Variants in RNF17 observed in about 807,000 individuals in gnomAD.
RNF17 encodes the protein ring finger protein 17, also known as spermatogenesis associated 23.
A neutral mutation model predicts 200.5 loss-of-function variants in RNF17; 31 were observed. The ratio of observed to expected loss-of-function variants is 0.15; its 90% CI spans 0.12 to 0.21. The LOEUF is 0.21. Among genes scored for constraint, RNF17 ranks in the 10% least tolerant of loss-of-function variants. RNF17 has a pLI of 1.00. For synonymous variants in RNF17, 606 were observed against 637.8 expected, an observed-to-expected ratio of 0.95 and a Z score of 0.75; for missense variants, 1,628 against 1,905.1, an observed-to-expected ratio of 0.85 and a Z score of 2.71.
chr13:24,813,837 T>A (rs1046693403), intron 15 of RNF17, among the ~76,000 whole-genome samples: 1 of 82,676 alleles, frequency 1.2e-5, no homozygotes, highest in African/African-American at 4.5e-5. Flanking sequence ...TTTTTTTTTT[T>A]TTTTTTTAGA....
chr13:24,884,010 T>G (rs1953937598), downstream of RNF17: 7 of 1,613,974 alleles, frequency 4.3e-6, no homozygotes, highest in Admixed American at 8.3e-5. Flanking sequence ...TTTCTTCTTG[T>G]CCATCAGGAA....
chr13:24,844,942 A>G lies in RNF17; in HGVS notation c.2983-19A>G. On this transcript the variant is annotated intron_variant, in intron 21 of 35. Transcript: ENST00000255324. ...CGAAATGTTGTTTGTCTGTAGACTT[A>G]AAGTTATTATTTTCTTAGGTCTTGC... The G allele has an allele frequency of 6.4e-7, 1 of 1,566,140 alleles. No homozygotes were observed. The highest frequency in any genetic ancestry group is 8.8e-7 in the Non-Finnish European group (1 of 1,139,078).
intron 15 of RNF17, among the ~76,000 whole-genome samples, chr13:24,811,659 G>A (rs969801471): frequency 5.6e-4 from 86 of 152,240 alleles, no homozygotes; most frequent in Middle Eastern, 3.4e-3. Flanking sequence ...GTCATTCTCC[G>A]TCCCGCTTTG....
chr13:24,843,513 A>C (rs1226627536), intron 19 of RNF17, among the ~76,000 whole-genome samples: 1 of 151,874 alleles, frequency 6.6e-6, no homozygotes, highest in Non-Finnish European at 1.5e-5. Context: ...GCGAGACTCC[A>C]TTTAAAAAAA....
At chr13:24,846,037 G>A (rs1891224955) in intron 22 of RNF17, among the ~76,000 whole-genome samples, 1 of 152,168 alleles carries the variant, frequency 6.6e-6, no homozygotes, top group South Asian at 2.1e-4. Flanking sequence ...AGCCTGCAGT[G>A]AGCTATGATT....
chr13:24,763,334 C>G (rs1448887828), upstream of RNF17, among the ~76,000 whole-genome samples: 1 of 149,132 alleles, frequency 6.7e-6, no homozygotes, highest in African/African-American at 2.5e-5. Flanking sequence ...TCCCAAGTAG[C>G]TGGAACTACA....
At chr13:24,843,013 A>G (rs1890825117) in intron 19 of RNF17, among the ~76,000 whole-genome samples, 1 of 151,802 alleles carries the variant, frequency 6.6e-6, no homozygotes, top group Non-Finnish European at 1.5e-5. Context: ...AAAGAAAGCC[A>G]GTATTCAGAT....
rs767341285 is a variant in RNF17, at chr13:24,868,675, C to T, written c.4237C>T (p.Leu1413Phe). ...LSSSLPSPGE[L>F]YAVQVKHVVS... is the part of the protein sequence containing the mutation. The stretch of plus-strand genomic sequence containing the variant: ...TTCATCTCTGCCTTCCCCAGGAGAA[C>T]TCTATGCTGTTCAAGTTAAGCACGT... Residue 1413 changes from leucine to phenylalanine, a missense_variant, in exon 31 of 36, where the codon CTC becomes TTC. This residue lies in a region of RNF17 where 609 missense variants were observed against 681.9 expected (regional missense o/e 0.89). Coordinates refer to ENST00000255324, the MANE Select transcript of RNF17 (RefSeq NM_031277.3). 5.0e-6 allele frequency: 8 copies of T among 1,604,472 alleles called. No homozygotes were observed. Among genetic ancestry groups the T allele is most frequent in the South Asian group, 1.1e-5 (1 of 90,866 alleles).
intron 1 of RNF17, among the ~76,000 whole-genome samples, chr13:24,766,393 A>G (rs191165709): frequency 1.3e-5 from 2 of 152,390 alleles, no homozygotes; most frequent in Admixed American, 1.3e-4. Flanking sequence ...GTTATTTATT[A>G]TAAACTTCAA....
At chr13:24,803,998 A>G (rs959150273) in intron 14 of RNF17, 68 of 308,878 alleles carry the variant, frequency 2.2e-4, no homozygotes, top group African/African-American at 1.4e-3. Context: ...TTGGCCAGGT[A>G]TGGTGGCTTA....
At chr13:24,885,409 G>T in the RNF17 span, 1 of 1,538,638 alleles carries the variant, frequency 6.5e-7, no homozygotes, top group Non-Finnish European at 9.0e-7. Context: ...CACATTTCAA[G>T]CAGCTAAAAC....
intron 27 of RNF17, among the ~76,000 whole-genome samples, chr13:24,861,996 A>T (rs745435342): frequency 1.8e-4 from 27 of 151,750 alleles, no homozygotes; most frequent in Non-Finnish European, 4.4e-5. Context: ...TACCTTCTTC[A>T]CAAGGTTGCA....
intron 18 of RNF17, among the ~76,000 whole-genome samples, chr13:24,836,454 A>T (rs1321666733): frequency 2.0e-5 from 3 of 152,214 alleles, no homozygotes; most frequent in South Asian, 4.1e-4. Flanking sequence ...GAGCTGTGAG[A>T]CAGAAGCACC....
intron 5 of RNF17, 107 bp downstream of exon 5, chr13:24,779,854 T>C: frequency 6.8e-6 from 5 of 733,390 alleles, no homozygotes; most frequent in Non-Finnish European, 1.1e-5. Context: ...CACTGAGTTA[T>C]TAAGCATGAT....
intron 34 of RNF17, 54 bp from the exon 35 acceptor site, chr13:24,879,133 A>G: frequency 7.4e-7 from 1 of 1,353,288 alleles, no homozygotes; most frequent in Non-Finnish European, 1.1e-6. Context: ...TATGAGAGGG[A>G]AAAGGCAGCA....
intron 15 of RNF17, among the ~76,000 whole-genome samples, chr13:24,817,571 T>C (rs995124422): frequency 2.0e-5 from 3 of 151,938 alleles, no homozygotes; most frequent in Non-Finnish European, 4.4e-5. Flanking sequence ...ATACAAAAAT[T>C]AGCCAGCTGT....
At chr13:24,772,407 G>T (rs893561034) in intron 2 of RNF17, among the ~76,000 whole-genome samples, 9 of 148,678 alleles carry the variant, frequency 6.1e-5, no homozygotes, top group Admixed American at 1.3e-4. Context: ...TTCTCTCCAG[G>T]AACCTGGTTT....
intron 10 of RNF17, among the ~76,000 whole-genome samples, chr13:24,794,906 T>TG (rs1884363754): frequency 6.6e-6 from 1 of 152,072 alleles, no homozygotes; most frequent in Non-Finnish European, 1.5e-5. Context: ...TTAGTAGAGA[T>TG]GAGGTTTCAC....
downstream of RNF17, among the ~76,000 whole-genome samples, chr13:24,881,796 CTA>C (rs1953828787): frequency 7.2e-6 from 1 of 138,750 alleles, no homozygotes; most frequent in Non-Finnish European, 1.6e-5. Flanking sequence ...AACCCCGTCT[CTA>C]TATATCTAGA....
Sources: allele counts gnomAD v4.1 joint callset (sites outside exome capture counted in the v4.1 genomes callset), GRCh38; gene constraint gnomAD v4.1.1; regional missense constraint gnomAD v4.1.1; transcripts MANE v1.5; gene names NCBI Gene and HGNC (gene_info 2026-07-23, HGNC 2026-07-21).